VPS53: variants seen among roughly 807,000 people sequenced by gnomAD.
The protein encoded by VPS53 is VPS53 subunit of GARP complex, also known as vacuolar protein sorting-associated protein 53 homolog.
VPS53 carries 70 observed loss-of-function variants against 107.0 expected under a neutral mutation model. That is an observed-to-expected ratio of 0.65 (90% confidence interval 0.54 to 0.80). VPS53 has a LOEUF of 0.80. Among genes scored for constraint, VPS53 ranks in the 30% least tolerant of loss-of-function variants. The probability of loss-of-function intolerance (pLI) is 0.00; values close to 1 mark genes in which losing one functional copy is unlikely to be tolerated. For missense variants in VPS53, 917 were observed against 1,049.4 expected, an observed-to-expected ratio of 0.87 and a Z score of 1.74; for synonymous variants, 409 against 393.3, an observed-to-expected ratio of 1.04 and a Z score of -0.47.
At chr17:635,401 T>C (rs926687902) in intron 7 of VPS53, among the ~76,000 whole-genome samples, 1 of 152,234 alleles carries the variant, frequency 6.6e-6, no homozygotes, top group Admixed American at 6.5e-5. Flanking sequence ...TTTAGTTTAA[T>C]TAGATCCCAT....
Position 661,838 on chromosome 17 carries a change from T to C in VPS53, c.343A>G (p.Lys115Glu). 1.9e-6 allele frequency: 3 copies of C among 1,552,330 alleles called. No individual in the cohort carries two copies. The highest frequency in any genetic ancestry group is 2.6e-6 in the Non-Finnish European group (3 of 1,147,124). The change falls in exon 5 of 22, where the codon AAA (lysine) becomes GAA (glutamate). Residue 115 changes from lysine to glutamate, a missense_variant. Lys to Glu is a moderately conservative substitution (Grantham distance 56, BLOSUM62 1). Transcript: ENST00000437048. ...QQLFGKIKDI[K>E]DKAEKSEQMV... ...TGCTCTGATTTTTCAGCTTTGTCTT[T>C]GATATCTTTGATTTTGCCAAAGAGT...
rs543242954 is a variant in VPS53 at position 549,054 on chromosome 17, T to C, written c.1866+2818A>G. 3.3e-5 allele frequency among the ~76,000 whole-genome samples: 5 copies of C among 152,344 alleles called. No individual in the cohort carries two copies. The South Asian group carries it at 1.0e-3, about 32-fold the overall frequency. ...GTATTGCTGTCATCTTACACATCTCTTGCCCTCAGCTACTGGAATCTAAAC... is the reference window on the plus strand; with the variant it reads ...GTATTGCTGTCATCTTACACATCTCCTGCCCTCAGCTACTGGAATCTAAAC... On this transcript the variant is annotated intron_variant, in intron 17 of 21. Transcript: ENST00000437048.
At chr17:603,261 TA>T (rs1968407263) in intron 11 of VPS53, among the ~76,000 whole-genome samples, 1 of 152,052 alleles carries the variant, frequency 6.6e-6, no homozygotes, top group Non-Finnish European at 1.5e-5. Context: ...CTGTCTCTAC[TA>T]AAAATACCAA....
At chr17:682,749 A>C (rs1972447771) in intron 4 of VPS53, among the ~76,000 whole-genome samples, 1 of 152,202 alleles carries the variant, frequency 6.6e-6, no homozygotes, top group South Asian at 2.1e-4. Context: ...ATACGCCAAA[A>C]AAGAAAAAAA....
chr17:703,065 T>C (rs1973266576), intron 2 of VPS53, among the ~76,000 whole-genome samples: 1 of 152,034 alleles, frequency 6.6e-6, no homozygotes. Flanking sequence ...AAAAACTACC[T>C]GGGCTTGCTG....
chr17:678,679 G>A (rs576852442), intron 4 of VPS53, among the ~76,000 whole-genome samples: 26 of 150,846 alleles, frequency 1.7e-4, no homozygotes, highest in South Asian at 1.5e-3. Flanking sequence ...TCGCTCTGTC[G>A]CCCAGGTAGA....
At position 635,632 on chromosome 17, in the gene VPS53, A is replaced by G. The variant is rs535833088; in HGVS notation, c.609-4004T>C. On this transcript the variant is annotated intron_variant, in intron 7 of 21. Coordinates refer to ENST00000437048, the MANE Select transcript of VPS53 (RefSeq NM_001128159.3). ...CCACGTATGGCTAGCCAGTTTTCCC[A>G]GCACCATTTATTAAATAGGGAATCC... 1.5e-4 allele frequency among the ~76,000 whole-genome samples: 23 copies of G among 152,262 alleles called. No individual in the cohort carries two copies. The South Asian group carries it at 2.9e-3, about 19-fold the overall frequency.
intron 13 of VPS53, among the ~76,000 whole-genome samples, chr17:578,590 C>T (rs753028472): frequency 3.2e-4 from 48 of 150,264 alleles, no homozygotes; most frequent in Admixed American, 6.6e-4. Flanking sequence ...AACCTCAGTG[C>T]GTTCCCAGAG....
chr17:545,305 A>G (rs1386500492), intron 17 of VPS53, among the ~76,000 whole-genome samples: 1 of 152,126 alleles, frequency 6.6e-6, no homozygotes, highest in Non-Finnish European at 1.5e-5. Context: ...CTTGTCTAGC[A>G]GCAGGACTCA....
intron 20 of VPS53, among the ~76,000 whole-genome samples, chr17:521,069 T>C (rs79461156): frequency 0.024 from 3,662 of 152,300 alleles, 52 homozygotes; most frequent in East Asian, 0.069. Context: ...CCCTCATCCC[T>C]ACTCTTCAAA....
chr17:519,949 G>T lies in VPS53; in HGVS notation c.2224-19C>A, dbSNP rs1229413829. The T allele has an allele frequency of 1.3e-6, 2 of 1,531,546 alleles. No individual in the cohort carries two copies. Among genetic ancestry groups the T allele is most frequent in the Admixed American group, 3.9e-5 (2 of 50,960 alleles). The allele number at this position is 1,531,546 out of a possible 1,614,324, so 94.9% of individuals were successfully genotyped here. A position where few individuals can be genotyped will look rare whatever the true frequency, so the allele number is the denominator to read the frequency against. ...TCACTACCTACAGCGGGAGGAGACA[G>T]GAGCAAGCCCCTCAGGAAAACTACC... On this transcript the variant is annotated intron_variant, in intron 20 of 21. Transcript: ENST00000437048. This position sits in a 1 kb window ranked among gnomAD's most constrained non-coding sequence, Gnocchi z 5.0.
chr17:700,151 A>AG (rs1821190013), intron 2 of VPS53, among the ~76,000 whole-genome samples: 1 of 152,188 alleles, frequency 6.6e-6, no homozygotes, highest in Non-Finnish European at 1.5e-5. Context: ...AAAGTCTGGA[A>AG]GGATAGATAG....
intron 13 of VPS53, among the ~76,000 whole-genome samples, chr17:579,152 C>CTT (rs1567644322): frequency 2.7e-5 from 4 of 147,838 alleles, no homozygotes; most frequent in South Asian, 2.2e-4. Flanking sequence ...TCCCAGAGAA[C>CTT]CTCCCTCAGA....
At chr17:634,701 T>G (rs1463767928) in intron 7 of VPS53, among the ~76,000 whole-genome samples, 1 of 152,036 alleles carries the variant, frequency 6.6e-6, no homozygotes, top group Non-Finnish European at 1.5e-5. Context: ...CAGCTTCATC[T>G]GTGTCCCTAA....
At chr17:577,428 T>C (rs924390357) in intron 13 of VPS53, among the ~76,000 whole-genome samples, 1 of 151,030 alleles carries the variant, frequency 6.6e-6, no homozygotes, top group African/African-American at 2.4e-5. Flanking sequence ...CAGAACCTAA[T>C]GCGTTCCCAG....
At chr17:697,285 C>G in intron 4 of VPS53, 133 bp downstream of exon 4, 1 of 785,510 alleles carries the variant, frequency 1.3e-6, no homozygotes, top group South Asian at 1.6e-5. Context: ...GGCGCCTGCC[C>G]TGTCTTGTCC....
At chr17:633,064 C>T (rs1015135960) in intron 7 of VPS53, among the ~76,000 whole-genome samples, 2 of 152,114 alleles carry the variant, frequency 1.3e-5, no homozygotes, top group African/African-American at 4.8e-5. Flanking sequence ...CAACAGTGGC[C>T]GTGAGTGTAC....
At chr17:522,553 C>T (rs1291751737) in intron 19 of VPS53, among the ~76,000 whole-genome samples, 2 of 152,216 alleles carry the variant, frequency 1.3e-5, no homozygotes, top group Non-Finnish European at 2.9e-5. Flanking sequence ...ACACCTCTGC[C>T]AGCCATGCAG....
intron 4 of VPS53, among the ~76,000 whole-genome samples, chr17:688,948 A>C (rs1281688820): frequency 7.9e-5 from 12 of 152,218 alleles, no homozygotes; most frequent in Admixed American, 7.9e-4. Flanking sequence ...AAATAATAAC[A>C]GAAAAGAAAC....
Sources: gnomAD v4.1 joint callset for allele counts (sites outside exome capture counted in the v4.1 genomes callset) on GRCh38, gnomAD v4.1.1 for gene constraint, Gnocchi (gnomAD v3.1) non-coding constraint, MANE v1.5 for transcripts, NCBI Gene and HGNC (gene_info 2026-07-23, HGNC 2026-07-21) for gene names.